The following NTNG1 variants were observed in gnomAD, a reference collection of about 807,000 sequenced individuals.
The protein encoded by NTNG1 is netrin-G1.
In NTNG1, 16 loss-of-function variants were observed where a neutral mutation model predicts 54.0. That is an observed-to-expected ratio of 0.30 (90% CI 0.20 to 0.45). The LOEUF is 0.45. Among genes scored for constraint, NTNG1 ranks in the 20% least tolerant of loss-of-function variants. The pLI is 1.00. For synonymous variants in NTNG1, 255 were observed against 263.1 expected, an observed-to-expected ratio of 0.97 and a Z score of 0.30; for missense variants, 530 against 678.7, an observed-to-expected ratio of 0.78 and a Z score of 2.43.
chr1:107,186,868 T>A (rs7548621), intron 2 of NTNG1, among the ~76,000 whole-genome samples: 6,924 of 152,270 alleles, frequency 0.045, 488 homozygotes, highest in African/African-American at 0.16. Context: ...TCTACCTGGA[T>A]TATCTCTTGC....
intron 2 of NTNG1, among the ~76,000 whole-genome samples, chr1:107,267,915 C>T (rs1663858128): frequency 6.6e-6 from 1 of 152,204 alleles, no homozygotes; most frequent in East Asian, 1.9e-4. Flanking sequence ...TCAGCACACA[C>T]CAGACAGTCT....
intron 5 of NTNG1, chr1:107,410,712 CTGCCGATAATCCAAAGTAATAGT>C (rs1323640687): frequency 2.0e-5 from 3 of 152,204 alleles, no homozygotes; most frequent in South Asian, 2.1e-4. Flanking sequence ...ATATTTGTTG[CTGCCGATAATCCAAAGTAATAGT>C]TGTCTTGGTG....
chr1:107,407,755 A>G, intron 5 of NTNG1, 47 bp downstream of exon 5: 1 of 1,528,070 alleles, frequency 6.5e-7, no homozygotes, highest in Non-Finnish European at 9.1e-7. Flanking sequence ...AGTCTAGGCT[A>G]GCTTTGCTTT....
At chr1:107,171,213 C>A (rs1021710333) in intron 2 of NTNG1, among the ~76,000 whole-genome samples, 1 of 151,918 alleles carries the variant, frequency 6.6e-6, no homozygotes, top group African/African-American at 2.4e-5. Flanking sequence ...CCTTTTCCAC[C>A]TTATATTTTT....
intron 2 of NTNG1, among the ~76,000 whole-genome samples, chr1:107,162,170 T>G (rs1186986527): frequency 1.3e-5 from 2 of 152,150 alleles, no homozygotes; most frequent in Non-Finnish European, 2.9e-5. Context: ...TGCACCAAAC[T>G]CTTGGTGTGT....
chr1:107,349,348 A>AT (rs905641837), intron 3 of NTNG1, among the ~76,000 whole-genome samples: 1 of 151,976 alleles, frequency 6.6e-6, no homozygotes, highest in Non-Finnish European at 1.5e-5. Flanking sequence ...TTTATTTTAA[A>AT]TTTTTTTTCT....
chr1:107,422,398 A>T (rs370367001), intron 5 of NTNG1, among the ~76,000 whole-genome samples: 149 of 152,186 alleles, frequency 9.8e-4, no homozygotes, highest in African/African-American at 3.5e-3. Flanking sequence ...CATGTCAAGC[A>T]TGCTAGATAT....
At chr1:107,255,424 G>A (rs1662870864) in intron 2 of NTNG1, among the ~76,000 whole-genome samples, 1 of 152,132 alleles carries the variant, frequency 6.6e-6, no homozygotes, top group South Asian at 2.1e-4. Flanking sequence ...TTGTGATTTG[G>A]TTGGCTTTCT....
chr1:107,162,052 T>C (rs1655446881), intron 2 of NTNG1, among the ~76,000 whole-genome samples: 1 of 152,154 alleles, frequency 6.6e-6, no homozygotes, highest in Non-Finnish European at 1.5e-5. Context: ...TGTATGCATA[T>C]GTATATATTT....
chr1:107,436,527 C>G (rs1010011786), intron 6 of NTNG1, 138 bp from the exon 7 acceptor site: 54 of 591,440 alleles, frequency 9.1e-5, no homozygotes, highest in Non-Finnish European at 1.1e-4. Context: ...TGTGAAATAG[C>G]CATATTTGCC....
chr1:107,344,792 G>A (rs147866596), intron 3 of NTNG1, among the ~76,000 whole-genome samples: 242 of 152,124 alleles, frequency 1.6e-3, no homozygotes, highest in Non-Finnish European at 2.8e-3. Flanking sequence ...ACTCTTTTGG[G>A]TCATAAAGTT....
At position 107,393,629 on chromosome 1, in the gene NTNG1, A is replaced by C. The variant is rs190736007; in HGVS notation, c.888-1525A>C. The stretch of plus-strand genomic sequence containing the variant: ...TGTAATAGACCCCCGAGAAAGCTGT[A>C]GCTTGGTCTTCCCAGACAGGTTTGA... On this transcript the variant is annotated intron_variant, in intron 3 of 7. Coordinates refer to ENST00000370068, the MANE Select transcript of NTNG1 (RefSeq NM_001113226.3). Among the ~76,000 whole-genome samples the C allele has an allele frequency of 2.9e-4, 44 of 152,088 alleles. No homozygotes were observed. In the East Asian group the frequency reaches 7.8e-3, roughly 27 times the overall value.
At chr1:107,479,575 C>T (rs569209362) in intron 7 of NTNG1, among the ~76,000 whole-genome samples, 1 of 152,288 alleles carries the variant, frequency 6.6e-6, no homozygotes, top group African/African-American at 2.4e-5. Context: ...ATATTAAATG[C>T]TTAAGCAGCA....
intron 2 of NTNG1, among the ~76,000 whole-genome samples, chr1:107,299,319 C>T (rs184492650): frequency 1.4e-4 from 22 of 151,828 alleles, no homozygotes; most frequent in African/African-American, 4.6e-4. Flanking sequence ...TAGGTCTGTA[C>T]TTAAAAATCA....
At chr1:107,159,210 C>T (rs1175560383) in intron 2 of NTNG1, among the ~76,000 whole-genome samples, 1 of 152,114 alleles carries the variant, frequency 6.6e-6, no homozygotes, top group African/African-American at 2.4e-5. Context: ...TGGGCCACTC[C>T]ATATGGGTTT....
chr1:107,279,211 AT>A (rs2101719123), intron 2 of NTNG1, among the ~76,000 whole-genome samples: 1 of 152,210 alleles, frequency 6.6e-6, no homozygotes, highest in South Asian at 2.1e-4. Context: ...ATGTCACATT[AT>A]TTTTTGGCTC....
intron 3 of NTNG1, among the ~76,000 whole-genome samples, chr1:107,352,777 C>G (rs1460670879): frequency 6.6e-6 from 1 of 152,210 alleles, no homozygotes. Context: ...TATGCCTGTT[C>G]CTGCTCTGCA....
chr1:107,296,788 T>C (rs543345839), intron 2 of NTNG1, among the ~76,000 whole-genome samples: 1 of 148,582 alleles, frequency 6.7e-6, no homozygotes, highest in South Asian at 2.1e-4. Flanking sequence ...ATATAAAATA[T>C]ATATTAGACA....
chr1:107,200,359 AC>A (rs1024187415), intron 2 of NTNG1, among the ~76,000 whole-genome samples: 1 of 151,858 alleles, frequency 6.6e-6, no homozygotes, highest in African/African-American at 2.4e-5. Flanking sequence ...TATTAGTGAT[AC>A]TTGGTAGCAT....
Sources: gnomAD v4.1 joint callset for allele counts (sites outside exome capture counted in the v4.1 genomes callset) on GRCh38, gnomAD v4.1.1 for gene constraint, MANE v1.5 for transcripts, NCBI Gene and HGNC (gene_info 2026-07-23, HGNC 2026-07-21) for gene names.